The following NAALAD2 variants were observed in gnomAD, a reference collection of about 807,000 sequenced individuals.
NAALAD2 encodes N-acetylated alpha-linked acidic dipeptidase 2.
NAALAD2 carries 89 observed loss-of-function variants against 95.6 expected under a neutral mutation model. The ratio of observed to expected loss-of-function variants is 0.93; its 90% confidence interval spans 0.78 to 1.11. NAALAD2 has a LOEUF of 1.11. Among genes scored for constraint, NAALAD2 ranks in the 50% least tolerant of loss-of-function variants. The probability of loss-of-function intolerance (pLI) is 0.00; values close to 1 mark genes in which losing one functional copy is unlikely to be tolerated. For missense variants in NAALAD2, 894 were observed against 872.4 expected, an observed-to-expected ratio of 1.02 and a Z score of -0.31; for synonymous variants, 264 against 294.4, an observed-to-expected ratio of 0.90 and a Z score of 1.06.
At chr11:90,191,303 A>G (rs1857318245) in intron 18 of NAALAD2, among the ~76,000 whole-genome samples, 1 of 152,106 alleles carries the variant, frequency 6.6e-6, no homozygotes, top group Admixed American at 6.5e-5. Context: ...CACAACTTAA[A>G]AGAACCTGCT....
intron 14 of NAALAD2, 24 bp from the exon 15 acceptor site, chr11:90,175,948 G>T: frequency 7.1e-7 from 1 of 1,403,126 alleles, no homozygotes; most frequent in Non-Finnish European, 1.0e-6. Flanking sequence ...GTGTGTGTGT[G>T]TGTGGATTGC....
intron 17 of NAALAD2, among the ~76,000 whole-genome samples, chr11:90,182,097 G>A (rs1000698623): frequency 2.6e-5 from 4 of 152,044 alleles, no homozygotes; most frequent in African/African-American, 9.7e-5. Flanking sequence ...ATGAGTTTAA[G>A]TGCGTTTGTA....
chr11:90,173,800 C>T (rs1294516951), intron 13 of NAALAD2, 24 bp from the exon 14 acceptor site: 2 of 1,561,792 alleles, frequency 1.3e-6, no homozygotes, highest in Non-Finnish European at 1.7e-6. Context: ...CCCCTAATTT[C>T]CAGTATTTGA....
intron 11 of NAALAD2, among the ~76,000 whole-genome samples, chr11:90,168,431 T>C (rs1952541450): frequency 6.6e-6 from 1 of 152,180 alleles, no homozygotes; most frequent in Admixed American, 6.5e-5. Flanking sequence ...TGTTTGAACC[T>C]GGGAGGCCGT....
intron 11 of NAALAD2, among the ~76,000 whole-genome samples, chr11:90,167,996 G>T (rs1230290320): frequency 6.6e-6 from 1 of 152,162 alleles, no homozygotes; most frequent in Non-Finnish European, 1.5e-5. Flanking sequence ...CGTTGTGAAA[G>T]ATTTGTTCTT....
intron 15 of NAALAD2, among the ~76,000 whole-genome samples, chr11:90,176,802 G>T (rs920046604): frequency 6.6e-6 from 1 of 152,076 alleles, no homozygotes; most frequent in African/African-American, 2.4e-5. Flanking sequence ...TATATCACTT[G>T]CAAATTTGAC....
intron 2 of NAALAD2, among the ~76,000 whole-genome samples, chr11:90,143,454 T>G (rs1232078945): frequency 1.3e-5 from 2 of 152,136 alleles, no homozygotes; most frequent in Non-Finnish European, 2.9e-5. Flanking sequence ...AAGTTTACAG[T>G]CATTAAATCA....
chr11:90,178,021 C>G lies in NAALAD2; in HGVS notation c.1762C>G (p.Gln588Glu). ...TTCTAAAATCATTCCTTTTAATATTCAAGACTATGCAGAAGCTTTGAAAAA... is the reference window on the plus strand; with the variant it reads ...TTCTAAAATCATTCCTTTTAATATTGAAGACTATGCAGAAGCTTTGAAAAA... ...VDSKIIPFNI[Q>E]DYAEALKNYA... Residue 588 changes from glutamine to glutamate, a missense_variant, in exon 16 of 19, where the codon CAA (glutamine) becomes GAA (glutamate). Coordinates refer to ENST00000534061, the MANE Select transcript of NAALAD2 (RefSeq NM_005467.4). 6.2e-7 allele frequency: 1 copy of G among 1,613,790 alleles called. No individual in the cohort carries two copies. The highest frequency in any genetic ancestry group is 8.5e-7 in the Non-Finnish European group (1 of 1,179,904).
At chr11:90,135,061 A>G (rs1951420421) in intron 1 of NAALAD2, 1 of 532,354 alleles carries the variant, frequency 1.9e-6, no homozygotes, top group Admixed American at 3.2e-5. Context: ...AATTTATTAA[A>G]TGTTCACTGA....
intron 11 of NAALAD2, 136 bp downstream of exon 11, chr11:90,163,753 G>A (rs1952362309): frequency 1.2e-6 from 1 of 865,060 alleles, no homozygotes; most frequent in Non-Finnish European, 1.9e-6. Flanking sequence ...GACAATTTAA[G>A]AAATAGTTTA....
At chr11:90,173,183 A>C (rs1294104061) in intron 13 of NAALAD2, among the ~76,000 whole-genome samples, 1 of 152,168 alleles carries the variant, frequency 6.6e-6, no homozygotes, top group Admixed American at 6.5e-5. Flanking sequence ...AAATGTATAT[A>C]TATACACACA....
At chr11:90,139,115 C>A (rs1336170608) in intron 2 of NAALAD2, among the ~76,000 whole-genome samples, 1 of 151,944 alleles carries the variant, frequency 6.6e-6, no homozygotes, top group South Asian at 2.1e-4. Flanking sequence ...GAGGTGTCTT[C>A]CAATACCAAA....
At chr11:90,152,183 G>A (rs762952642) in intron 5 of NAALAD2, 115 bp from the exon 6 acceptor site, 186 of 926,976 alleles carry the variant, frequency 2.0e-4, no homozygotes, top group Non-Finnish European at 2.7e-4. Flanking sequence ...ATGTGTAATT[G>A]TATGGTAAAA....
At chr11:90,143,031 CAT>C (rs1356455243) in intron 2 of NAALAD2, among the ~76,000 whole-genome samples, 2 of 151,834 alleles carry the variant, frequency 1.3e-5, no homozygotes, top group Non-Finnish European at 2.9e-5. Context: ...AAGTAGCTGT[CAT>C]ATGTATTATA....
At chr11:90,142,684 G>T (rs1247870283) in intron 2 of NAALAD2, among the ~76,000 whole-genome samples, 1 of 152,060 alleles carries the variant, frequency 6.6e-6, no homozygotes, top group Non-Finnish European at 1.5e-5. Context: ...CCTCTGCCTT[G>T]TGAGTATTTA....
chr11:90,163,569 C>G lies in NAALAD2; in HGVS notation c.1230C>G (p.Ser410Arg). ...CTAGAAGAACTATCATTTTTGCCAG[C>G]TGGGATGCAGAAGAATTTGGACTTC... ...WRPRRTIIFA[S>R]WDAEEFGLLG... Residue 410 changes from serine to arginine, a missense_variant, in exon 11 of 19, where the codon AGC (serine) becomes AGG (arginine). Ser to Arg is a moderately radical substitution (Grantham distance 110). Coordinates refer to ENST00000534061, the MANE Select transcript of NAALAD2 (RefSeq NM_005467.4). 6.2e-7 allele frequency: 1 copy of G among 1,614,016 alleles called. No individual in the cohort carries two copies. The highest frequency in any genetic ancestry group is 1.1e-5 in the South Asian group (1 of 91,070).
intron 11 of NAALAD2, chr11:90,163,861 T>C: frequency 4.3e-6 from 2 of 462,074 alleles, no homozygotes. Context: ...CATTTGCATT[T>C]GTTTTATAAA....
intron 18 of NAALAD2, among the ~76,000 whole-genome samples, chr11:90,191,349 T>C (rs1331808278): frequency 1.3e-5 from 2 of 150,614 alleles, no homozygotes; most frequent in East Asian, 1.9e-4. Flanking sequence ...ACATGGTATA[T>C]GATTCCTGAG....
Position 90,163,584 on chromosome 11 carries a change from AT to A in NAALAD2, c.1248del (p.Phe416LeufsTer31). The A allele has an allele frequency of 6.2e-7, 1 of 1,614,114 alleles. No homozygotes were observed. Among genetic ancestry groups the A allele is most frequent in the Non-Finnish European group, 8.5e-7 (1 of 1,179,978 alleles). On this transcript the variant is annotated frameshift_variant, in exon 11 of 19. Coordinates refer to ENST00000534061, the MANE Select transcript of NAALAD2 (RefSeq NM_005467.4). LOFTEE classifies it high-confidence loss of function. Reference protein sequence around the residue: ...IIFASWDAEEFGLLGSTEWAE... With the variant: ...IIFASWDAEEXGLLGSTEWAE... ...TTTTTGCCAGCTGGGATGCAGAAGA[AT>A]TTGGACTTCTGGGTTCCACAGAATG...
Sources: allele counts gnomAD v4.1 joint callset (sites outside exome capture counted in the v4.1 genomes callset), GRCh38; gene constraint gnomAD v4.1.1; transcripts MANE v1.5; gene names NCBI Gene and HGNC (gene_info 2026-07-23, HGNC 2026-07-21).